Variants in RUNX2 observed in about 807,000 individuals in gnomAD.
RUNX2 encodes RUNX family transcription factor 2, also known as runt-related transcription factor 2.
Under a neutral mutation model 51.7 loss-of-function variants are expected in RUNX2, and 10 were observed. That is an observed-to-expected ratio of 0.19 (90% CI 0.12 to 0.33). The LOEUF (loss-of-function observed/expected upper bound fraction) is 0.33. Among genes scored for constraint, RUNX2 ranks in the 10% least tolerant of loss-of-function variants. The pLI is 1.00. For synonymous variants in RUNX2, 276 were observed against 273.6 expected (o/e 1.01, Z -0.09); for missense variants, 562 against 691.3 (o/e 0.81, Z 2.10).
chr6:45,431,047 ATGTT>A (rs1798528252), intron 3 of RUNX2, among the ~76,000 whole-genome samples: 2 of 152,168 alleles, frequency 1.3e-5, no homozygotes, highest in African/African-American at 2.4e-5. Flanking sequence ...AGCAGAGAAA[ATGTT>A]TGTTTGTTCC....
Position 45,346,054 on chromosome 6 carries a change from G to A in RUNX2, c.58+17270G>A, listed in dbSNP as rs142574426. Among the ~76,000 whole-genome samples the A allele has an allele frequency of 4.8e-3, 735 of 152,036 alleles. 4 individuals carry two copies. The highest frequency in any genetic ancestry group is 0.017 in the African/African-American group (702 of 41,442). ...CTATCCTTGAAGAAAAATCTCAAACGACACTATTTTCACTGGCTTTCATCC... is the reference window on the plus strand; with the variant it reads ...CTATCCTTGAAGAAAAATCTCAAACAACACTATTTTCACTGGCTTTCATCC... On this transcript the variant is annotated intron_variant, in intron 2 of 8. Coordinates refer to ENST00000647337, the MANE Select transcript of RUNX2 (RefSeq NM_001024630.4).
intron 2 of RUNX2, chr6:45,422,384 C>T (rs1385859087): frequency 7.2e-6 from 4 of 559,028 alleles, no homozygotes; most frequent in South Asian, 4.4e-5. Flanking sequence ...TGCGCCGCAT[C>T]GCCAGACTCT....
chr6:45,347,768 A>T (rs888563306), intron 2 of RUNX2, among the ~76,000 whole-genome samples: 2 of 150,034 alleles, frequency 1.3e-5, no homozygotes, highest in African/African-American at 4.9e-5. Context: ...CTTTTTTTTA[A>T]AAAAAAAAGA....
chr6:45,469,823 T>G (rs1287060839), intron 5 of RUNX2, among the ~76,000 whole-genome samples: 2 of 152,224 alleles, frequency 1.3e-5, no homozygotes, highest in East Asian at 1.9e-4. Flanking sequence ...TCCAATGACA[T>G]GAGCTAGGAA....
intron 2 of RUNX2, among the ~76,000 whole-genome samples, chr6:45,387,024 C>A (rs996373100): frequency 6.6e-6 from 1 of 151,864 alleles, no homozygotes; most frequent in African/African-American, 2.4e-5. Flanking sequence ...GTGATACGGG[C>A]TAGAGTTAAG....
chr6:45,531,217 T>A (rs1253102116), intron 7 of RUNX2, among the ~76,000 whole-genome samples: 1 of 152,208 alleles, frequency 6.6e-6, no homozygotes, highest in East Asian at 1.9e-4. Flanking sequence ...TACAAAGGCC[T>A]GTTGGCTATC....
At chr6:45,446,612 T>C (rs1386875613) in intron 5 of RUNX2, among the ~76,000 whole-genome samples, 2 of 152,064 alleles carry the variant, frequency 1.3e-5, no homozygotes, top group Non-Finnish European at 2.9e-5. Flanking sequence ...TGGCAATTTC[T>C]TCAAGGAAGA....
At chr6:45,409,337 C>T (rs1425551478) in intron 2 of RUNX2, among the ~76,000 whole-genome samples, 2 of 152,158 alleles carry the variant, frequency 1.3e-5, no homozygotes, top group African/African-American at 4.8e-5. Flanking sequence ...TTAACTAACT[C>T]ACTATAAAAC....
chr6:45,364,839 C>T (rs1794858229), intron 2 of RUNX2, among the ~76,000 whole-genome samples: 1 of 152,134 alleles, frequency 6.6e-6, no homozygotes, highest in South Asian at 2.1e-4. Flanking sequence ...GAAAACATTT[C>T]AACTGTCCAA....
chr6:45,506,901 C>G (rs1402637406), intron 6 of RUNX2, among the ~76,000 whole-genome samples: 1 of 152,096 alleles, frequency 6.6e-6, no homozygotes, highest in Non-Finnish European at 1.5e-5. Flanking sequence ...AGTGATCCAC[C>G]CAACTTGGCC....
At chr6:45,430,313 G>A (rs1399882650) in intron 3 of RUNX2, among the ~76,000 whole-genome samples, 1 of 152,060 alleles carries the variant, frequency 6.6e-6, no homozygotes, top group Non-Finnish European at 1.5e-5. Context: ...GTTGAAATGA[G>A]GATCACTTGA....
At chr6:45,518,411 A>G (rs1442773096) in intron 7 of RUNX2, among the ~76,000 whole-genome samples, 1 of 152,184 alleles carries the variant, frequency 6.6e-6, no homozygotes, top group South Asian at 2.1e-4. Context: ...ATCTTTTGAC[A>G]TAGCAGATGG....
At chr6:45,343,089 G>GAC (rs1790148827) in intron 2 of RUNX2, among the ~76,000 whole-genome samples, 1 of 152,126 alleles carries the variant, frequency 6.6e-6, no homozygotes, top group Non-Finnish European at 1.5e-5. Context: ...ACACTGATCT[G>GAC]ACAAAAGCAT....
intron 2 of RUNX2, among the ~76,000 whole-genome samples, chr6:45,348,504 T>TAAAAAAAAAA (rs1791361286): frequency 3.3e-5 from 1 of 30,542 alleles, no homozygotes; most frequent in African/African-American, 1.8e-4. Context: ...CCGTCTCTAC[T>TAAAAAAAAAA]AAAAATACAA....
At chr6:45,420,264 C>T (rs907471189) in intron 2 of RUNX2, among the ~76,000 whole-genome samples, 2 of 152,154 alleles carry the variant, frequency 1.3e-5, no homozygotes, top group African/African-American at 4.8e-5. Flanking sequence ...CTCCAGAGTC[C>T]GCGACTGGCA....
At chr6:45,495,888 A>G (rs930864902) in intron 6 of RUNX2, among the ~76,000 whole-genome samples, 1 of 152,230 alleles carries the variant, frequency 6.6e-6, no homozygotes, top group Non-Finnish European at 1.5e-5. Context: ...TGGTTTCCAC[A>G]TAACTTCAGT....
intron 2 of RUNX2, among the ~76,000 whole-genome samples, chr6:45,333,064 A>C (rs566213612): frequency 6.6e-6 from 1 of 151,746 alleles, no homozygotes; most frequent in Admixed American, 6.6e-5. Flanking sequence ...ATTCTAAGCT[A>C]ACTGTCTAAA....
chr6:45,488,602 AG>A (rs1025776082), intron 5 of RUNX2, among the ~76,000 whole-genome samples: 4 of 152,226 alleles, frequency 2.6e-5, no homozygotes, highest in African/African-American at 9.6e-5. Context: ...CCTTTTCCCC[AG>A]GTCCCACTAT....
At chr6:45,458,022 A>ATT (rs67652614) in intron 5 of RUNX2, among the ~76,000 whole-genome samples, 6 of 137,704 alleles carry the variant, frequency 4.4e-5, no homozygotes, top group Non-Finnish European at 6.2e-5. Context: ...CTGGGATAGG[A>ATT]TTTTTTTTTT....
Sources: gnomAD v4.1 joint callset for allele counts (sites outside exome capture counted in the v4.1 genomes callset) on GRCh38, gnomAD v4.1.1 for gene constraint, MANE v1.5 for transcripts, NCBI Gene and HGNC (gene_info 2026-07-23, HGNC 2026-07-21) for gene names.